The following FOXN3 variants were observed in gnomAD, a reference collection of about 807,000 sequenced individuals.
FOXN3 encodes the protein forkhead box N3.
FOXN3 carries 7 observed loss-of-function variants against 38.4 expected under a neutral mutation model. The observed-to-expected ratio is 0.18, with a 90% CI of 0.10 to 0.34. FOXN3 has a LOEUF of 0.34. Among genes scored for constraint, FOXN3 ranks in the 10% least tolerant of loss-of-function variants. The pLI, the probability that FOXN3 is intolerant of heterozygous loss-of-function variation, is 1.00. For synonymous variants in FOXN3, 230 were observed against 242.2 expected, an observed-to-expected ratio of 0.95 and a Z score of 0.47; for missense variants, 456 against 613.4, an observed-to-expected ratio of 0.74 and a Z score of 2.71.
chr14:89,533,756 C>G (rs1178179570), intron 1 of FOXN3, among the ~76,000 whole-genome samples: 1 of 150,238 alleles, frequency 6.7e-6, no homozygotes, highest in Non-Finnish European at 1.5e-5. Flanking sequence ...GCCATGTTTC[C>G]TCTTCCTTAT....
At chr14:89,395,818 G>A (rs75836961) in intron 2 of FOXN3, among the ~76,000 whole-genome samples, 13 of 152,026 alleles carry the variant, frequency 8.6e-5, no homozygotes, top group Admixed American at 2.6e-4. Flanking sequence ...AAGGCTGGAG[G>A]GGGGGGAGTT....
intron 1 of FOXN3, among the ~76,000 whole-genome samples, chr14:89,545,319 C>T (rs528172962): frequency 5.9e-5 from 9 of 152,322 alleles, no homozygotes; most frequent in Admixed American, 3.9e-4. Flanking sequence ...TTCGTCGATA[C>T]GGGGGCCACC....
chr14:89,166,234 G>C (rs1240558872), intron 5 of FOXN3, among the ~76,000 whole-genome samples: 1 of 152,212 alleles, frequency 6.6e-6, no homozygotes, highest in Non-Finnish European at 1.5e-5. Flanking sequence ...TCGAGCCTGA[G>C]AATGTCTCTT....
At chr14:89,273,661 C>T (rs1208471903) in intron 4 of FOXN3, among the ~76,000 whole-genome samples, 2 of 152,228 alleles carry the variant, frequency 1.3e-5, no homozygotes, top group Non-Finnish European at 2.9e-5. Context: ...AGACTGTGTT[C>T]TGCATGTTCT....
chr14:89,532,366 T>C (rs1479766622), intron 1 of FOXN3, among the ~76,000 whole-genome samples: 1 of 152,162 alleles, frequency 6.6e-6, no homozygotes, highest in African/African-American at 2.4e-5. Flanking sequence ...CCACCTTAAA[T>C]ACACAAACAT....
intron 2 of FOXN3, among the ~76,000 whole-genome samples, chr14:89,380,298 T>C (rs1890606637): frequency 6.6e-6 from 1 of 152,222 alleles, no homozygotes; most frequent in Non-Finnish European, 1.5e-5. Flanking sequence ...TCTGCCATGA[T>C]TGTGAGGCCA....
At chr14:89,551,361 C>A (rs1175616365) in intron 1 of FOXN3, among the ~76,000 whole-genome samples, 2 of 152,154 alleles carry the variant, frequency 1.3e-5, no homozygotes, top group Admixed American at 1.3e-4. Flanking sequence ...AAGCCAAAAT[C>A]CTAGAAGCAG....
chr14:89,459,880 G>A (rs1266803376), intron 1 of FOXN3, among the ~76,000 whole-genome samples: 1 of 152,120 alleles, frequency 6.6e-6, no homozygotes, highest in East Asian at 1.9e-4. Flanking sequence ...ACTCAAAGAG[G>A]ACTGTGAGGT....
intron 3 of FOXN3, chr14:89,291,447 CA>C: frequency 1.6e-6 from 1 of 609,920 alleles, no homozygotes. Context: ...ATCAGCTTAT[CA>C]AAGGCTTCCA....
chr14:89,269,261 C>T (rs946240), intron 4 of FOXN3, among the ~76,000 whole-genome samples: 91,084 of 151,888 alleles, frequency 0.6, 27,557 homozygotes, highest in East Asian at 0.67. Context: ...GTGTATGCTG[C>T]GGTGACCATG....
chr14:89,510,754 C>T (rs969426339), intron 1 of FOXN3, among the ~76,000 whole-genome samples: 8 of 152,110 alleles, frequency 5.3e-5, no homozygotes, highest in African/African-American at 1.7e-4. Context: ...CCACCCTGGC[C>T]AACATGGTGA....
intron 5 of FOXN3, among the ~76,000 whole-genome samples, chr14:89,179,061 G>C (rs998256744): frequency 6.6e-6 from 1 of 152,176 alleles, no homozygotes; most frequent in Admixed American, 6.5e-5. Flanking sequence ...TAAGAGCATT[G>C]GAATTTTGGC....
intron 1 of FOXN3, among the ~76,000 whole-genome samples, chr14:89,583,587 G>A (rs1368097831): frequency 6.6e-6 from 1 of 152,110 alleles, no homozygotes; most frequent in African/African-American, 2.4e-5. Context: ...TTGAAATGGA[G>A]TCTCACTCTG....
intron 3 of FOXN3, among the ~76,000 whole-genome samples, chr14:89,285,310 G>A (rs1886591558): frequency 6.6e-6 from 1 of 152,120 alleles, no homozygotes; most frequent in Non-Finnish European, 1.5e-5. Flanking sequence ...CACAAGGTCA[G>A]GAGTTCGAGA....
chr14:89,269,834 C>G (rs1269514751), intron 4 of FOXN3, among the ~76,000 whole-genome samples: 1 of 152,116 alleles, frequency 6.6e-6, no homozygotes, highest in Non-Finnish European at 1.5e-5. Context: ...TTCATTTTTT[C>G]CCCATTGCCA....
At chr14:89,346,881 C>T (rs1171962561) in intron 3 of FOXN3, among the ~76,000 whole-genome samples, 1 of 152,128 alleles carries the variant, frequency 6.6e-6, no homozygotes, top group East Asian at 1.9e-4. Flanking sequence ...TCAGTCTGGA[C>T]TCATAGGTAT....
chr14:89,417,657 G>A, upstream of FOXN3: 1 of 455,774 alleles, frequency 2.2e-6, no homozygotes, highest in Non-Finnish European at 4.4e-6. Context: ...TGGCTCGAAA[G>A]TAAAAATAAA....
At chr14:89,515,991 A>G (rs1894191898) in intron 1 of FOXN3, among the ~76,000 whole-genome samples, 1 of 152,160 alleles carries the variant, frequency 6.6e-6, no homozygotes, top group African/African-American at 2.4e-5. Context: ...CAAAAGCTAC[A>G]CACCACTTGA....
Position 89,279,777 on chromosome 14 carries a change from C to T in FOXN3, c.745+1173G>A, listed in dbSNP as rs75466095. On this transcript the variant is annotated intron_variant, in intron 4 of 5. Coordinates refer to ENST00000557258, the MANE Select transcript of FOXN3 (RefSeq NM_005197.4). ...TGTACGAAGCAAAAATACAAAGAAA[C>T]GCTTGATTTCCCAATTTCACAGGCT... is the stretch of plus-strand genomic sequence containing the variant. Among the ~76,000 whole-genome samples the T allele has an allele frequency of 6.4e-4, 98 of 152,268 alleles. 1 individual carries two copies. In the East Asian group the frequency reaches 0.016, roughly 25 times the overall value.
Sources: allele counts gnomAD v4.1 joint callset (sites outside exome capture counted in the v4.1 genomes callset), GRCh38; gene constraint gnomAD v4.1.1; transcripts MANE v1.5; gene names NCBI Gene and HGNC (gene_info 2026-07-23, HGNC 2026-07-21).